Variants in SEC14L1 observed in about 807,000 individuals in gnomAD.
SEC14L1 encodes SEC14-like protein 1.
SEC14L1 carries 48 observed loss-of-function variants against 85.3 expected under a neutral mutation model. The ratio of observed to expected loss-of-function variants is 0.56; its 90% CI spans 0.45 to 0.72. The LOEUF is 0.72. Among genes scored for constraint, SEC14L1 ranks in the 30% least tolerant of loss-of-function variants. SEC14L1 has a pLI of 0.00. For synonymous variants in SEC14L1, 391 were observed against 355.5 expected (o/e 1.10, Z -1.12); for missense variants, 682 against 921.4 (o/e 0.74, Z 3.36).
At chr17:77,130,296 A>G (rs1461638668) in intron 3 of SEC14L1, 1 of 151,886 alleles carries the variant, frequency 6.6e-6, no homozygotes, top group Non-Finnish European at 1.5e-5. Context: ...TGTGTTTTTT[A>G]TTTATTTAAT....
upstream of SEC14L1, among the ~76,000 whole-genome samples, chr17:77,136,347 T>C (rs1316049810): frequency 7.9e-6 from 1 of 126,308 alleles, no homozygotes; most frequent in South Asian, 2.8e-4. Flanking sequence ...CTTCCTTCCT[T>C]TCTCTTTCTT....
At chr17:77,155,172 G>A (rs1468361548) in intron 3 of SEC14L1, among the ~76,000 whole-genome samples, 2 of 152,152 alleles carry the variant, frequency 1.3e-5, no homozygotes, top group African/African-American at 2.4e-5. Flanking sequence ...GTCTTCACCC[G>A]AGATGCCCCC....
chr17:77,118,542 T>C (rs1028124361), intron 3 of SEC14L1, among the ~76,000 whole-genome samples: 1 of 152,240 alleles, frequency 6.6e-6, no homozygotes, highest in Non-Finnish European at 1.5e-5. Context: ...GCAATGGACA[T>C]GCTTCTGTTA....
rs754080985 is a variant in SEC14L1, at chr17:77,213,052, G to T, written c.1864-262G>T. 6.6e-6 allele frequency among the ~76,000 whole-genome samples: 1 copy of T among 152,236 alleles called. No homozygotes were observed. ...GCTCCTGCCTCCGTAGGTGGGGTGG[G>T]CTGGGCAGGCCTCGTGAGGGCCACG... is the stretch of plus-strand genomic sequence containing the variant. On this transcript the variant is annotated intron_variant, in intron 15 of 16. Transcript: ENST00000436233. This position sits in a 1 kb window ranked among gnomAD's most constrained non-coding sequence, Gnocchi z 7.1.
intron 3 of SEC14L1, among the ~76,000 whole-genome samples, chr17:77,108,128 C>T (rs1180478368): frequency 1.3e-5 from 2 of 151,998 alleles, no homozygotes; most frequent in African/African-American, 4.8e-5. Context: ...GACTTAGATT[C>T]TCCCCATTTG....
At chr17:77,103,313 A>T (rs575755852) in intron 3 of SEC14L1, among the ~76,000 whole-genome samples, 32 of 151,758 alleles carry the variant, frequency 2.1e-4, no homozygotes, top group Non-Finnish European at 4.4e-4. Flanking sequence ...GGGTTTCACC[A>T]TGTTGGCCAA....
At chr17:77,106,856 A>C (rs1971926715) in intron 3 of SEC14L1, among the ~76,000 whole-genome samples, 1 of 152,042 alleles carries the variant, frequency 6.6e-6, no homozygotes, top group South Asian at 2.1e-4. Context: ...AAAAAAGAAA[A>C]ATTATTTGGT....
At chr17:77,113,546 C>A (rs1357380724) in intron 3 of SEC14L1, among the ~76,000 whole-genome samples, 1 of 152,112 alleles carries the variant, frequency 6.6e-6, no homozygotes, top group Non-Finnish European at 1.5e-5. Context: ...CAGTTCTAGA[C>A]CAGCCTGGCC....
chr17:77,135,457 CTTAGT>C (rs1261449662), intron 3 of SEC14L1, among the ~76,000 whole-genome samples: 1 of 152,164 alleles, frequency 6.6e-6, no homozygotes, highest in African/African-American at 2.4e-5. Context: ...TGTGTATAGA[CTTAGT>C]TTATTCTGTA....
intron 3 of SEC14L1, among the ~76,000 whole-genome samples, chr17:77,163,022 C>G (rs983905337): frequency 4.6e-5 from 7 of 152,056 alleles, no homozygotes; most frequent in Non-Finnish European, 7.4e-5. Flanking sequence ...CAGGGGAGTT[C>G]GGTATGCCAT....
At chr17:77,166,089 C>G (rs1275376450) in intron 3 of SEC14L1, among the ~76,000 whole-genome samples, 1 of 152,122 alleles carries the variant, frequency 6.6e-6, no homozygotes, top group Non-Finnish European at 1.5e-5. Context: ...GAACAGTAGC[C>G]ACACTTATTG....
chr17:77,111,073 A>G (rs557019890), intron 3 of SEC14L1, among the ~76,000 whole-genome samples: 17 of 149,238 alleles, frequency 1.1e-4, no homozygotes, highest in African/African-American at 3.5e-4. Context: ...GGCACCCGTA[A>G]TCCCAGCTAC....
chr17:77,131,866 C>T (rs1049355020), intron 3 of SEC14L1, among the ~76,000 whole-genome samples: 2 of 152,178 alleles, frequency 1.3e-5, no homozygotes, highest in East Asian at 3.8e-4. Context: ...GGAAGGAAGA[C>T]TCTTAGGTAG....
At chr17:77,117,472 T>G (rs976996615) in intron 3 of SEC14L1, among the ~76,000 whole-genome samples, 1 of 152,304 alleles carries the variant, frequency 6.6e-6, no homozygotes, top group African/African-American at 2.4e-5. Flanking sequence ...TAAAAAGAAA[T>G]AATAAGCTAT....
chr17:77,144,881 G>C (rs1370098673), intron 3 of SEC14L1: 1 of 152,146 alleles, frequency 6.6e-6, no homozygotes, highest in East Asian at 1.9e-4. Context: ...CAGAGTGCTG[G>C]GATTACAGGC....
In SEC14L1 at chr17:77,141,192, C is replaced by G. The variant is rs1258411886; in HGVS notation, c.-136+85C>G. The G allele has an allele frequency of 2.0e-5, 3 of 152,038 alleles. No homozygotes were observed. In the East Asian group the frequency reaches 5.8e-4, roughly 30 times the overall value. 9.4% of individuals were successfully genotyped at this position (152,038 alleles called of 1,614,324 possible). ...AGTCCGGCGCCTCTCGGGCGGGCCC[C>G]CCGGAACTCCCGGCCGCCCGCTTGC... On this transcript the variant is annotated intron_variant, in intron 1 of 16. Coordinates refer to ENST00000436233, the MANE Select transcript of SEC14L1 (RefSeq NM_001143998.2).
intron 2 of SEC14L1, among the ~76,000 whole-genome samples, chr17:77,091,236 C>A (rs1045387868): frequency 6.6e-6 from 1 of 151,896 alleles, no homozygotes; most frequent in Non-Finnish European, 1.5e-5. Context: ...TACAGGCGCA[C>A]GCCACCATGC....
At chr17:77,197,080 A>G (rs2143070073) in intron 8 of SEC14L1, among the ~76,000 whole-genome samples, 1 of 152,290 alleles carries the variant, frequency 6.6e-6, no homozygotes, top group South Asian at 2.1e-4. Flanking sequence ...CAGGATTTGA[A>G]CCCAGGCCAT....
chr17:77,190,985 G>T (rs1243189974), intron 4 of SEC14L1, 33 bp downstream of exon 4: 2 of 1,608,444 alleles, frequency 1.2e-6, no homozygotes, highest in Admixed American at 3.3e-5. Context: ...TGGAGGGAAA[G>T]GGCGTCCTGG....
Sources: allele counts gnomAD v4.1 joint callset (sites outside exome capture counted in the v4.1 genomes callset), GRCh38; gene constraint gnomAD v4.1.1; non-coding constraint Gnocchi (gnomAD v3.1); transcripts MANE v1.5; gene names NCBI Gene and HGNC (gene_info 2026-07-23, HGNC 2026-07-21).